IAPP: variants seen among roughly 807,000 people sequenced by gnomAD.
The protein encoded by IAPP is islet amyloid polypeptide, also known as Islet amyloid polypeptide (diabetes-associated peptide; amylin).
A neutral mutation model predicts 2.9 loss-of-function variants in IAPP; 4 were observed. The ratio of observed to expected loss-of-function variants is 1.39; its 90% CI spans 0.69 to 3.19. IAPP has a LOEUF of 3.19. Ranked by LOEUF, IAPP falls within the 30% of genes most tolerant of loss-of-function variation. The pLI, the probability that IAPP is intolerant of heterozygous loss-of-function variation, is 0.01. For missense variants in IAPP, 114 were observed against 105.3 expected, an observed-to-expected ratio of 1.08 and a Z score of -0.36; for synonymous variants, 40 against 42.1, an observed-to-expected ratio of 0.95 and a Z score of 0.19.
intron 1 of IAPP, among the ~76,000 whole-genome samples, chr12:21,361,013 T>C (rs1938819741): frequency 1.3e-5 from 2 of 152,174 alleles, no homozygotes; most frequent in South Asian, 2.1e-4. Context: ...TAAACATCCC[T>C]GTCTGACAGC....
At chr12:21,363,483 G>T (rs1282721728) in intron 1 of IAPP, among the ~76,000 whole-genome samples, 1 of 152,140 alleles carries the variant, frequency 6.6e-6, no homozygotes, top group Non-Finnish European at 1.5e-5. Flanking sequence ...ACAATTAAAA[G>T]AACTACAGAA....
At chr12:21,373,098 G>A (rs1939918178) in intron 1 of IAPP, 94 bp downstream of exon 1, 1 of 503,724 alleles carries the variant, frequency 2.0e-6, no homozygotes, top group Non-Finnish European at 3.5e-6. Context: ...AAAGGCTAAA[G>A]GGAGAATGTA....
chr12:21,360,447 G>C (rs144572429), intron 1 of IAPP, among the ~76,000 whole-genome samples: 2 of 152,286 alleles, frequency 1.3e-5, no homozygotes, highest in South Asian at 2.1e-4. Flanking sequence ...CAAGATGGCC[G>C]AATAGGAACA....
chr12:21,373,822 T>C, intron 2 of IAPP: 1 of 592,292 alleles, frequency 1.7e-6, no homozygotes, highest in Non-Finnish European at 3.0e-6. Context: ...TGGATTCTTT[T>C]TGTATATATT....
chr12:21,376,885 G>T (rs1003155171), intron 2 of IAPP, among the ~76,000 whole-genome samples: 2 of 151,950 alleles, frequency 1.3e-5, no homozygotes, highest in Non-Finnish European at 2.9e-5. Flanking sequence ...CCAATATTTT[G>T]ATTTCTATGG....
At chr12:21,370,953 C>A (rs1322069613), upstream of IAPP, among the ~76,000 whole-genome samples, 2 of 152,198 alleles carry the variant, frequency 1.3e-5, no homozygotes, top group African/African-American at 4.8e-5. Flanking sequence ...TAGAAGAAAA[C>A]AGCTTTATTG....
intron 1 of IAPP, among the ~76,000 whole-genome samples, chr12:21,360,486 G>C (rs758468619): frequency 3.3e-5 from 5 of 152,238 alleles, no homozygotes; most frequent in Non-Finnish European, 7.3e-5. Context: ...CAGTGTGAAG[G>C]ACGCAGAAGA....
chr12:21,373,671 G>A (rs1377330495), intron 2 of IAPP: 1 of 701,436 alleles, frequency 1.4e-6, no homozygotes, highest in African/African-American at 1.7e-5. Flanking sequence ...GTTTTGTCAA[G>A]AAATATACTC....
chr12:21,365,318 C>T (rs78498584), intron 1 of IAPP, among the ~76,000 whole-genome samples: 7,922 of 151,958 alleles, frequency 0.052, 287 homozygotes, highest in Non-Finnish European at 0.079. Flanking sequence ...ATTTAATAAA[C>T]GGTGCTGGGA....
intron 1 of IAPP, among the ~76,000 whole-genome samples, chr12:21,362,411 G>A (rs1156901114): frequency 6.6e-6 from 1 of 152,142 alleles, no homozygotes; most frequent in Non-Finnish European, 1.5e-5. Flanking sequence ...ACTAAACATG[G>A]AAAGGAACAA....
chr12:21,361,766 G>A (rs935931951), intron 1 of IAPP, among the ~76,000 whole-genome samples: 15 of 152,120 alleles, frequency 9.9e-5, no homozygotes, highest in Non-Finnish European at 2.1e-4. Flanking sequence ...TTCAGTAGCC[G>A]ATTTGATCAA....
intron 2 of IAPP, chr12:21,373,781 A>C: frequency 1.5e-6 from 1 of 672,520 alleles, no homozygotes; most frequent in East Asian, 2.7e-5. Flanking sequence ...AACCAGAGAA[A>C]CTTAACTAAA....
At chr12:21,369,817 T>C (rs1438563217), upstream of IAPP, among the ~76,000 whole-genome samples, 1 of 152,158 alleles carries the variant, frequency 6.6e-6, no homozygotes, top group African/African-American at 2.4e-5. Context: ...CCAAGATAAG[T>C]GACAGTGATG....
chr12:21,358,853 C>T (rs1005658638), intron 1 of IAPP, among the ~76,000 whole-genome samples: 1 of 152,008 alleles, frequency 6.6e-6, no homozygotes, highest in African/African-American at 2.4e-5. Flanking sequence ...AAGGAATAAA[C>T]ATGTAATCTA....
At chr12:21,364,523 A>T (rs556310466) in intron 1 of IAPP, among the ~76,000 whole-genome samples, 1 of 152,334 alleles carries the variant, frequency 6.6e-6, no homozygotes, top group South Asian at 2.1e-4. Context: ...CTCCTATTCA[A>T]CATAGTGTTG....
At chr12:21,371,889 C>T (rs1939821946), upstream of IAPP, among the ~76,000 whole-genome samples, 1 of 152,074 alleles carries the variant, frequency 6.6e-6, no homozygotes, top group African/African-American at 2.4e-5. Flanking sequence ...GTAATCCCAG[C>T]TACTCTGTAG....
chr12:21,371,193 G>T (rs904773099), upstream of IAPP, among the ~76,000 whole-genome samples: 7 of 152,180 alleles, frequency 4.6e-5, no homozygotes, highest in African/African-American at 1.7e-4. Flanking sequence ...ACTCCTGGGT[G>T]TTGTTATAGC....
At chr12:21,372,767 T>A (rs1215270738), upstream of IAPP, 2 of 156,064 alleles carry the variant, frequency 1.3e-5, no homozygotes, top group Non-Finnish European at 2.8e-5. Context: ...TAATGACCCA[T>A]CCGCTTCTGC....
intron 1 of IAPP, among the ~76,000 whole-genome samples, chr12:21,366,289 T>C (rs140140315): frequency 2.3e-4 from 34 of 149,646 alleles, no homozygotes; most frequent in African/African-American, 6.4e-4. Flanking sequence ...CTGAGCAAAG[T>C]ATCACAAGGA....
Sources: allele counts gnomAD v4.1 joint callset (sites outside exome capture counted in the v4.1 genomes callset), GRCh38; gene constraint gnomAD v4.1.1; transcripts MANE v1.5; gene names NCBI Gene and HGNC (gene_info 2026-07-23, HGNC 2026-07-21).